The following ATP2C1 variants were observed in gnomAD, a reference collection of about 807,000 sequenced individuals.
The protein encoded by ATP2C1 is calcium-transporting ATPase type 2C member 1.
In ATP2C1, 31 loss-of-function variants were observed where a neutral mutation model predicts 120.5. The observed-to-expected ratio is 0.26, with a 90% confidence interval of 0.19 to 0.35. The LOEUF is 0.35. ATP2C1 is among the 10% of genes least tolerant of loss of function. The pLI is 1.00. For synonymous variants in ATP2C1, 351 were observed against 358.7 expected (o/e 0.98, Z 0.24); for missense variants, 731 against 1,107.5 (o/e 0.66, Z 4.83).
chr3:130,930,331 G>A (rs1345438838), intron 2 of ATP2C1, 85 bp from the exon 3 acceptor site: 3 of 876,236 alleles, frequency 3.4e-6, no homozygotes, highest in Admixed American at 1.9e-5. Flanking sequence ...ATTAGTTGCT[G>A]TGAACTTTTG....
chr3:130,934,250 G>A (rs2059570949), intron 4 of ATP2C1, among the ~76,000 whole-genome samples: 2 of 152,148 alleles, frequency 1.3e-5, no homozygotes, highest in Non-Finnish European at 2.9e-5. Context: ...GTTCTATTCA[G>A]TATTTCGCCC....
intron 20 of ATP2C1, among the ~76,000 whole-genome samples, chr3:130,987,578 A>G (rs1241430459): frequency 2.6e-5 from 4 of 152,058 alleles, no homozygotes; most frequent in Non-Finnish European, 5.9e-5. Flanking sequence ...TGATCCTCCT[A>G]CCTTGGCCTC....
chr3:130,864,246 G>A (rs1425260858), intron 1 of ATP2C1, among the ~76,000 whole-genome samples: 2 of 152,190 alleles, frequency 1.3e-5, no homozygotes, highest in Non-Finnish European at 2.9e-5. Context: ...GCAGCATTTT[G>A]CCTCTGCCCT....
intron 26 of ATP2C1, chr3:131,015,309 G>C: frequency 1.5e-6 from 1 of 669,040 alleles, no homozygotes; most frequent in South Asian, 1.6e-5. Flanking sequence ...GTTTACATCT[G>C]AGTGGAGAGA....
intron 20 of ATP2C1, among the ~76,000 whole-genome samples, chr3:130,984,974 G>A (rs1332721021): frequency 6.6e-6 from 1 of 152,116 alleles, no homozygotes; most frequent in Non-Finnish European, 1.5e-5. Context: ...TAAAGAAATA[G>A]GTCATAAGGG....
intron 8 of ATP2C1, among the ~76,000 whole-genome samples, chr3:130,945,975 C>G (rs1216991134): frequency 6.6e-6 from 1 of 150,776 alleles, no homozygotes. Context: ...AATAATACAT[C>G]GCTTGAAATG....
chr3:130,949,480 A>C (rs1038526422), intron 8 of ATP2C1, among the ~76,000 whole-genome samples: 1 of 152,170 alleles, frequency 6.6e-6, no homozygotes, highest in Non-Finnish European at 1.5e-5. Context: ...GGTTTAAGAA[A>C]AGAAGCCATC....
chr3:130,986,897 A>G (rs1032601406), intron 20 of ATP2C1, among the ~76,000 whole-genome samples: 1 of 34,980 alleles, frequency 2.9e-5, no homozygotes, highest in Non-Finnish European at 7.7e-5. Flanking sequence ...AGTTTAGTTT[A>G]GTTTAGTTTA....
intron 2 of ATP2C1, among the ~76,000 whole-genome samples, chr3:130,929,130 A>C (rs1173117703): frequency 1.3e-5 from 2 of 152,202 alleles, no homozygotes; most frequent in African/African-American, 4.8e-5. Flanking sequence ...CAGTAAAGAA[A>C]GGTAATCTGT....
At chr3:130,913,725 T>G (rs2058553591) in intron 2 of ATP2C1, among the ~76,000 whole-genome samples, 1 of 152,194 alleles carries the variant, frequency 6.6e-6, no homozygotes, top group African/African-American at 2.4e-5. Context: ...TTAAATCTAG[T>G]CTCACTATAC....
At chr3:130,970,740 A>T (rs772891479) in intron 17 of ATP2C1, among the ~76,000 whole-genome samples, 3 of 152,070 alleles carry the variant, frequency 2.0e-5, no homozygotes, top group Non-Finnish European at 4.4e-5. Context: ...CTAGTTGGTT[A>T]TATGTTTTTA....
intron 1 of ATP2C1, among the ~76,000 whole-genome samples, chr3:130,864,485 G>A (rs1347247939): frequency 6.6e-6 from 1 of 152,240 alleles, no homozygotes. Context: ...ATTTTCATAA[G>A]TAGCAAGGAG....
chr3:131,005,747 T>G (rs77531357), downstream of ATP2C1, among the ~76,000 whole-genome samples: 759 of 152,342 alleles, frequency 5.0e-3, 11 homozygotes, highest in African/African-American at 0.017. Context: ...TTTAAAAACT[T>G]TCCTTTAGCA....
chr3:130,927,398 G>A (rs1400094780), intron 2 of ATP2C1, among the ~76,000 whole-genome samples: 1 of 151,926 alleles, frequency 6.6e-6, no homozygotes, highest in African/African-American at 2.4e-5. Flanking sequence ...CTGCCACCAT[G>A]CCTGGCTAAT....
chr3:130,949,788 T>A (rs1035130731), intron 8 of ATP2C1, among the ~76,000 whole-genome samples: 3 of 152,176 alleles, frequency 2.0e-5, no homozygotes, highest in African/African-American at 7.2e-5. Flanking sequence ...ATGAAGATTT[T>A]AAATTACATT....
At chr3:130,855,690 A>AT (rs2067816385) in intron 1 of ATP2C1, among the ~76,000 whole-genome samples, 1 of 152,104 alleles carries the variant, frequency 6.6e-6, no homozygotes, top group African/African-American at 2.4e-5. Flanking sequence ...TGAGAAAAAA[A>AT]CTCTACAGGA....
intron 1 of ATP2C1, among the ~76,000 whole-genome samples, chr3:130,883,945 CTT>C (rs35365168): frequency 1.8e-4 from 22 of 122,426 alleles, no homozygotes; most frequent in Non-Finnish European, 2.7e-4. Flanking sequence ...TTCTTTTCTT[CTT>C]TTTTTTTTTT....
At chr3:130,973,670 A>G (rs1400323816) in intron 17 of ATP2C1, among the ~76,000 whole-genome samples, 1 of 152,114 alleles carries the variant, frequency 6.6e-6, no homozygotes. Context: ...TTATTTTTGG[A>G]ATTTTCTATT....
chr3:130,921,003 A>AT (rs1375393454), intron 2 of ATP2C1, among the ~76,000 whole-genome samples: 1 of 150,116 alleles, frequency 6.7e-6, no homozygotes, highest in Non-Finnish European at 1.5e-5. Flanking sequence ...TTATATGTTG[A>AT]TTTTGTATCC....
Sources: gnomAD v4.1 joint callset for allele counts (sites outside exome capture counted in the v4.1 genomes callset) on GRCh38, gnomAD v4.1.1 for gene constraint, MANE v1.5 for transcripts, NCBI Gene and HGNC (gene_info 2026-07-23, HGNC 2026-07-21) for gene names.